The following VRK3 variants were observed in gnomAD, a reference collection of about 807,000 sequenced individuals.
The protein encoded by VRK3 is serine/threonine-protein kinase VRK3.
Under a neutral mutation model 60.4 loss-of-function variants are expected in VRK3, and 50 were observed. That is an observed-to-expected ratio of 0.83 (90% CI 0.66 to 1.05). The LOEUF (loss-of-function observed/expected upper bound fraction) is 1.05, where lower values mean the gene tolerates loss of function less well. VRK3 is among the 50% of genes least tolerant of loss of function. The pLI, the probability that VRK3 is intolerant of heterozygous loss-of-function variation, is 0.00. For missense variants in VRK3, 549 were observed against 585.3 expected (o/e 0.94, Z 0.64); for synonymous variants, 246 against 227.8 (o/e 1.08, Z -0.72).
In VRK3 at chr19:49,994,836, A is replaced by G; in HGVS notation, c.848T>C (p.Val283Ala). Residue 283 changes from valine (V) to alanine (A), a missense_variant, in exon 9 of 15, where the codon GTG (valine) becomes GCG (alanine). By Grantham distance (64) the Val-to-Ala change is moderately conservative. Coordinates refer to ENST00000316763, the MANE Select transcript of VRK3 (RefSeq NM_016440.4). The stretch of plus-strand genomic sequence containing the variant: ...CACCAGCCGGCAGGCCACCTGCAGC[A>G]CAGACCTCTCTGACAGCACATGCTT... ...SPKHVLSERS[V>A]LQVACRLLDA... 6.2e-7 allele frequency: 1 copy of G among 1,614,092 alleles called. No individual in the cohort carries two copies. Among genetic ancestry groups the G allele is most frequent in the South Asian group, 1.1e-5 (1 of 91,064 alleles).
intron 5 of VRK3, among the ~76,000 whole-genome samples, chr19:50,005,869 A>G (rs1194794051): frequency 2.7e-5 from 4 of 149,858 alleles, no homozygotes; most frequent in Admixed American, 6.6e-5. Context: ...GACTGGGGGA[A>G]GAATCAGAGT....
rs10405594 is a variant in VRK3 at position 49,997,713 on chromosome 19, G to A, written c.613-143C>T. On this transcript the variant is annotated intron_variant, in intron 6 of 14. Transcript: ENST00000316763. ...ATCGGAGCCAAATTCCTCAGGTACTGCACACAAACACACATCAGAGACTGC... is the reference window on the plus strand; with the variant it reads ...ATCGGAGCCAAATTCCTCAGGTACTACACACAAACACACATCAGAGACTGC... The A allele has an allele frequency of 0.015, 11,858 of 785,676 alleles. 1,012 individuals carry two copies. The African/African-American group carries it at 0.18, about 12-fold the overall frequency. The allele number at this position is 785,676 out of a possible 1,614,324, so 48.7% of individuals were successfully genotyped here. A position where few individuals can be genotyped will look rare whatever the true frequency, so the allele number is the denominator to read the frequency against.
intron 10 of VRK3, among the ~76,000 whole-genome samples, 195 bp downstream of exon 10, chr19:49,992,660 CTTTTT>C (rs151142884): frequency 6.6e-6 from 1 of 152,224 alleles, no homozygotes; most frequent in East Asian, 1.9e-4. Context: ...CTGTGGATTT[CTTTTT>C]TTAAGAATTG....
intron 6 of VRK3, chr19:49,999,003 G>A (rs966981366): frequency 6.8e-6 from 1 of 147,436 alleles, no homozygotes; most frequent in Non-Finnish European, 1.5e-5. Context: ...CATGCCTGTG[G>A]TCCCAGCTAC....
At chr19:50,005,110 C>T (rs996418101) in intron 5 of VRK3, among the ~76,000 whole-genome samples, 1 of 148,958 alleles carries the variant, frequency 6.7e-6, no homozygotes, top group African/African-American at 2.6e-5. Context: ...TGCTTGGCCT[C>T]CATCTCCTAT....
intron 2 of VRK3, among the ~76,000 whole-genome samples, chr19:50,019,674 CTTTTTTTTTTTTTTTTTTT>C (rs568877003): frequency 0.022 from 986 of 45,012 alleles, 40 homozygotes; most frequent in South Asian, 0.18. Context: ...CATGCCTGGC[CTTTTTTTTTTTTTTTTTTT>C]TTTTTTTTTT....
chr19:50,000,911 C>A, intron 5 of VRK3, 57 bp from the exon 6 acceptor site: 3 of 1,525,754 alleles, frequency 2.0e-6, no homozygotes, highest in Non-Finnish European at 2.7e-6. Context: ...TCAGGGTCAT[C>A]ATCCCCAAAC....
intron 12 of VRK3, among the ~76,000 whole-genome samples, chr19:49,983,941 C>T (rs2076468830): frequency 6.6e-6 from 1 of 152,048 alleles, no homozygotes; most frequent in Non-Finnish European, 1.5e-5. Context: ...GCGCCTGGCC[C>T]TCTATGGTTG....
rs2076554138 is a variant in VRK3, at chr19:49,988,451, T to C, written c.1138A>G (p.Met380Val). 5.6e-6 allele frequency: 9 copies of C among 1,613,768 alleles called. No homozygotes were observed. The highest frequency in any genetic ancestry group is 7.6e-6 in the Non-Finnish European group (9 of 1,179,796). Reference protein sequence around the residue: ...RSDLQSLGYCMLKWLYGFLPW... With the variant: ...RSDLQSLGYCVLKWLYGFLPW... ...AGAAACCCGTAGAGCCACTTCAGCA[T>C]GCAGTAGCCCAGGCTCTGGAGGTCG... Residue 380 changes from methionine (M) to valine (V), a missense_variant, in exon 12 of 15, where the codon ATG (methionine) becomes GTG (valine). Physicochemically the swap from Met to Val is conservative, Grantham distance 21. Transcript: ENST00000316763.
At position 49,989,752 on chromosome 19, in the gene VRK3, C is replaced by T. The variant is rs2076578690; in HGVS notation, c.983G>A (p.Gly328Asp). ...DQSQVTLAGY[G>D]FAFRYCPSGK... ...ACTTGGGCAATAGCGGAAGGCGAAG[C>T]CATAGCCTGCCAAAGTCACCTGTGG... Residue 328 changes from glycine (G) to aspartate (D), a missense_variant, in exon 11 of 15, where the codon GGC (glycine) becomes GAC (aspartate). Gly to Asp is a moderately conservative substitution (Grantham distance 94). Transcript: ENST00000316763. 1 of 1,612,408 alleles carries T rather than the reference C, an allele frequency of 6.2e-7. No homozygotes were observed. Among genetic ancestry groups the T allele is most frequent in the Non-Finnish European group, 8.5e-7 (1 of 1,178,868 alleles).
Position 49,994,847 on chromosome 19 carries a change from T to G in VRK3, c.837A>C (p.Ser279=). 6.2e-7 allele frequency: 1 copy of G among 1,614,132 alleles called. No individual in the cohort carries two copies. The change falls in exon 9 of 15, where the codon TCA becomes TCC. Residue 279 remains serine, a synonymous_variant. Coordinates refer to ENST00000316763, the MANE Select transcript of VRK3 (RefSeq NM_016440.4). ...AGGCCACCTGCAGCACAGACCTCTC[T>G]GACAGCACATGCTTTGGGCTGACAT... The part of the protein sequence containing the change: ...ALDVSPKHVL[S]ERSVLQVACR...
chr19:50,008,120 G>A (rs2076930651), intron 4 of VRK3, among the ~76,000 whole-genome samples: 1 of 152,168 alleles, frequency 6.6e-6, no homozygotes, highest in Admixed American at 6.5e-5. Flanking sequence ...GGGCCCAAAA[G>A]AGAAAGAGAT....
At chr19:49,992,505 A>T (rs1290419290) in intron 10 of VRK3, among the ~76,000 whole-genome samples, 5 of 152,246 alleles carry the variant, frequency 3.3e-5, no homozygotes, top group Non-Finnish European at 5.9e-5. Flanking sequence ...TATATGAAGA[A>T]TTCCTACTTC....
Position 50,006,655 on chromosome 19 carries a change from G to A in VRK3, c.547+914C>T, listed in dbSNP as rs181777848. On this transcript the variant is annotated intron_variant, in intron 5 of 14. Transcript: ENST00000316763. ...CTCCCAAAGTGCTGGGATTACAGGCGTGAGCCACCGCGCCTGGCCAATAAA... is the reference window on the plus strand; with the variant it reads ...CTCCCAAAGTGCTGGGATTACAGGCATGAGCCACCGCGCCTGGCCAATAAA... 4.9e-3 allele frequency among the ~76,000 whole-genome samples: 742 copies of A among 152,244 alleles called. 5 individuals carry two copies. Among genetic ancestry groups the A allele is most frequent in the South Asian group, 0.015 (74 of 4,822 alleles).
At chr19:50,007,972 T>A in intron 4 of VRK3, 146 bp from the exon 5 acceptor site, 1 of 1,223,394 alleles carries the variant, frequency 8.2e-7, no homozygotes, top group Non-Finnish European at 1.1e-6. Flanking sequence ...GTCAGGCCTT[T>A]GTGTGATGAT....
chr19:50,002,424 G>T (rs550549740), intron 5 of VRK3, among the ~76,000 whole-genome samples: 1 of 152,102 alleles, frequency 6.6e-6, no homozygotes, highest in Admixed American at 6.6e-5. Context: ...GCACTGGGGG[G>T]ATCATGCTGG....
rs949749297 is a variant in VRK3 at position 50,009,173 on chromosome 19, G to C, written c.289+63C>G. 1.5e-5 allele frequency: 24 copies of C among 1,556,912 alleles called. No individual in the cohort carries two copies. In the African/African-American group the frequency reaches 2.3e-4, roughly 15 times the overall value. The stretch of plus-strand genomic sequence containing the variant: ...GGGGCTGTGGCAGTTTTGTCCCAAA[G>C]ATCATCAGATGACCTAACTTTGCTC... On this transcript the variant is annotated intron_variant, in intron 4 of 14. Transcript: ENST00000316763.
Position 49,995,337 on chromosome 19 carries a change from C to G in VRK3, c.680-62G>C, listed in dbSNP as rs189517090. Reference sequence around the variant, plus strand: ...AGTCCCAAGCCCATGGCAGTAAGAGCTAGTTCTCAGAGAAGAAGCACAGAG... The same window carrying G: ...AGTCCCAAGCCCATGGCAGTAAGAGGTAGTTCTCAGAGAAGAAGCACAGAG... On this transcript the variant is annotated intron_variant, in intron 7 of 14. Coordinates refer to ENST00000316763, the MANE Select transcript of VRK3 (RefSeq NM_016440.4). 5 of 1,503,068 alleles carry G rather than the reference C, an allele frequency of 3.3e-6. No homozygotes were observed. In the East Asian group the frequency reaches 1.1e-4, roughly 34 times the overall value. 93.1% of individuals were successfully genotyped at this position (1,503,068 alleles called of 1,614,324 possible).
rs1160164920 is a variant in VRK3, at chr19:49,992,918, T to C, written c.905A>G (p.Tyr302Cys). Residue 302 changes from tyrosine (Y) to cysteine (C), a missense_variant, in exon 10 of 15, where the codon TAT (tyrosine) becomes TGT (cysteine). Tyr to Cys is a radical substitution (Grantham distance 194, BLOSUM62 -2). Coordinates refer to ENST00000316763, the MANE Select transcript of VRK3 (RefSeq NM_016440.4). ...DALEFLHENE[Y>C]VHGNVTAENI... is the part of the protein sequence containing the mutation. ...TTCAGCTGTCACATTTCCATGAACA[T>C]ACTCATTCTCATGGAGGAACTCCAG... The C allele has an allele frequency of 6.2e-7, 1 of 1,613,660 alleles. No homozygotes were observed. The highest frequency in any genetic ancestry group is 8.5e-7 in the Non-Finnish European group (1 of 1,180,024).
Sources: gnomAD v4.1 joint callset for allele counts (sites outside exome capture counted in the v4.1 genomes callset) on GRCh38, gnomAD v4.1.1 for gene constraint, MANE v1.5 for transcripts, NCBI Gene and HGNC (gene_info 2026-07-23, HGNC 2026-07-21) for gene names.